FBXL7: variants seen among roughly 807,000 people sequenced by gnomAD.
FBXL7 encodes F-box and leucine rich repeat protein 7, also known as F-box/LRR-repeat protein 7.
In FBXL7, 12 loss-of-function variants were observed where a neutral mutation model predicts 38.3. That is an observed-to-expected ratio of 0.31 (90% CI 0.20 to 0.51). The LOEUF is 0.51. Among genes scored for constraint, FBXL7 ranks in the 20% least tolerant of loss-of-function variants. The pLI is 0.98. For missense variants in FBXL7, 567 were observed against 676.4 expected, an observed-to-expected ratio of 0.84 and a Z score of 1.79; for synonymous variants, 297 against 300.9, an observed-to-expected ratio of 0.99 and a Z score of 0.13.
At chr5:15,562,908 T>G (rs1287594296) in intron 1 of FBXL7, among the ~76,000 whole-genome samples, 1 of 152,172 alleles carries the variant, frequency 6.6e-6, no homozygotes, top group African/African-American at 2.4e-5. Context: ...ATTCATACAT[T>G]AGCCATTATG....
Position 15,582,323 on chromosome 5 carries a change from A to G in FBXL7, c.38-33660A>G, listed in dbSNP as rs896091123. Among the ~76,000 whole-genome samples the G allele has an allele frequency of 1.8e-4, 27 of 152,348 alleles. No homozygotes were observed. In the East Asian group the frequency reaches 2.3e-3, roughly 13 times the overall value. On this transcript the variant is annotated intron_variant, in intron 1 of 3. Transcript: ENST00000504595. Reference sequence around the variant, plus strand: ...AAGCAGAGACTTTTTTCTACTCTGGATAAGAGAAATCGGCTTAATATTAGG... The same window carrying G: ...AAGCAGAGACTTTTTTCTACTCTGGGTAAGAGAAATCGGCTTAATATTAGG...
chr5:15,677,017 G>T (rs1742678539), intron 2 of FBXL7, among the ~76,000 whole-genome samples: 1 of 152,196 alleles, frequency 6.6e-6, no homozygotes, highest in African/African-American at 2.4e-5. Context: ...TTAAGTGCTT[G>T]TGGTAAAAAT....
At chr5:15,867,010 G>C (rs1225759164) in intron 2 of FBXL7, among the ~76,000 whole-genome samples, 3 of 152,202 alleles carry the variant, frequency 2.0e-5, no homozygotes, top group African/African-American at 7.2e-5. Flanking sequence ...CATTATGGTA[G>C]GAAATAAATT....
chr5:15,702,774 T>C (rs1265307619), intron 2 of FBXL7, among the ~76,000 whole-genome samples: 1 of 152,134 alleles, frequency 6.6e-6, no homozygotes, highest in Non-Finnish European at 1.5e-5. Context: ...CCAAACAGGC[T>C]TTGTGTGAGC....
intron 2 of FBXL7, among the ~76,000 whole-genome samples, chr5:15,647,053 C>T (rs1466539009): frequency 6.6e-6 from 1 of 152,164 alleles, no homozygotes; most frequent in Non-Finnish European, 1.5e-5. Flanking sequence ...AGCCTAGGGA[C>T]TGTGGAACTC....
intron 2 of FBXL7, among the ~76,000 whole-genome samples, chr5:15,621,553 A>C (rs1740641922): frequency 6.6e-6 from 1 of 152,186 alleles, no homozygotes; most frequent in South Asian, 2.1e-4. Context: ...CAGTTGGATT[A>C]GGTTAATTAG....
chr5:15,734,456 T>C (rs1735695710), intron 2 of FBXL7, among the ~76,000 whole-genome samples: 1 of 152,206 alleles, frequency 6.6e-6, no homozygotes, highest in South Asian at 2.1e-4. Context: ...CTGAACAATG[T>C]GGATTATTGT....
intron 2 of FBXL7, among the ~76,000 whole-genome samples, chr5:15,651,041 A>G (rs527729524): frequency 3.3e-5 from 5 of 151,714 alleles, no homozygotes; most frequent in Non-Finnish European, 7.4e-5. Context: ...TTACAGATTC[A>G]TCAGAGAAAT....
intron 2 of FBXL7, among the ~76,000 whole-genome samples, chr5:15,759,223 A>T (rs1448645430): frequency 6.6e-6 from 1 of 152,136 alleles, no homozygotes; most frequent in Non-Finnish European, 1.5e-5. Context: ...TGTTAATATA[A>T]TTCTATCAAT....
intron 2 of FBXL7, among the ~76,000 whole-genome samples, chr5:15,847,184 G>C (rs111243263): frequency 1.3e-5 from 2 of 152,124 alleles, no homozygotes; most frequent in African/African-American, 4.8e-5. Context: ...ACATACCCAA[G>C]ACTGGGTAAT....
intron 2 of FBXL7, among the ~76,000 whole-genome samples, chr5:15,872,520 C>G (rs967198529): frequency 1.3e-5 from 2 of 152,144 alleles, no homozygotes; most frequent in African/African-American, 4.8e-5. Context: ...CATCGCTGTG[C>G]TGTATTCAGG....
intron 2 of FBXL7, among the ~76,000 whole-genome samples, chr5:15,813,419 A>G (rs1737922950): frequency 6.6e-6 from 1 of 152,226 alleles, no homozygotes; most frequent in Non-Finnish European, 1.5e-5. Flanking sequence ...TTATACAAAA[A>G]TTAACTCAAG....
intron 1 of FBXL7, among the ~76,000 whole-genome samples, chr5:15,546,832 G>A (rs1440470209): frequency 6.6e-6 from 1 of 152,204 alleles, no homozygotes; most frequent in Non-Finnish European, 1.5e-5. Flanking sequence ...TACATATGCA[G>A]ACAAGATGGG....
chr5:15,505,419 A>T (rs906829837), intron 1 of FBXL7, among the ~76,000 whole-genome samples: 1 of 152,136 alleles, frequency 6.6e-6, no homozygotes, highest in Admixed American at 6.5e-5. Context: ...ACTTAAATAT[A>T]TGTTAACTTT....
intron 2 of FBXL7, among the ~76,000 whole-genome samples, chr5:15,717,792 A>C (rs1477239008): frequency 6.6e-6 from 1 of 152,202 alleles, no homozygotes; most frequent in African/African-American, 2.4e-5. Context: ...AGCTCTTAAA[A>C]AATGCCAATG....
chr5:15,925,781 A>G (rs1741863290), intron 2 of FBXL7, among the ~76,000 whole-genome samples: 1 of 152,254 alleles, frequency 6.6e-6, no homozygotes, highest in Non-Finnish European at 1.5e-5. Context: ...GTAGCTATAT[A>G]GATACATACC....
chr5:15,930,580 C>T (rs1742013327), intron 3 of FBXL7, among the ~76,000 whole-genome samples: 1 of 152,170 alleles, frequency 6.6e-6, no homozygotes, highest in Non-Finnish European at 1.5e-5. Context: ...GTGGTCCTGC[C>T]TGGCCCCTTG....
At chr5:15,757,421 C>T (rs1736326005) in intron 2 of FBXL7, among the ~76,000 whole-genome samples, 1 of 151,888 alleles carries the variant, frequency 6.6e-6, no homozygotes, top group African/African-American at 2.4e-5. Flanking sequence ...AGGAGGCTCT[C>T]GAACTTCAGA....
At chr5:15,868,883 A>G (rs1370723570) in intron 2 of FBXL7, among the ~76,000 whole-genome samples, 2 of 152,116 alleles carry the variant, frequency 1.3e-5, no homozygotes, top group Non-Finnish European at 2.9e-5. Flanking sequence ...AGTACTTGCC[A>G]CTAGAGTAAT....
Sources: gnomAD v4.1 joint callset for allele counts (sites outside exome capture counted in the v4.1 genomes callset) on GRCh38, gnomAD v4.1.1 for gene constraint, MANE v1.5 for transcripts, NCBI Gene and HGNC (gene_info 2026-07-23, HGNC 2026-07-21) for gene names.